The following TTC27 variants were observed in gnomAD, a reference collection of about 807,000 sequenced individuals.
TTC27 encodes the protein tetratricopeptide repeat domain 27, also known as tetratricopeptide repeat protein 27.
In TTC27, 79 loss-of-function variants were observed where a neutral mutation model predicts 115.9. The ratio of observed to expected loss-of-function variants is 0.68; its 90% CI spans 0.57 to 0.82. The LOEUF (loss-of-function observed/expected upper bound fraction) is 0.82. Ranked by LOEUF, TTC27 falls within the 40% of genes least tolerant of loss-of-function variation. The pLI is 0.00. For missense variants in TTC27, 1,054 were observed against 993.1 expected (o/e 1.06, Z -0.82); for synonymous variants, 401 against 356.0 (o/e 1.13, Z -1.42).
intron 18 of TTC27, 52 bp downstream of exon 18, chr2:32,812,667 T>C: frequency 7.3e-7 from 1 of 1,368,284 alleles, no homozygotes; most frequent in Non-Finnish European, 1.0e-6. Context: ...TATTTTCTAC[T>C]GACAGAAAAG....
chr2:32,697,212 A>C (rs1467387754), intron 9 of TTC27, among the ~76,000 whole-genome samples: 4 of 151,908 alleles, frequency 2.6e-5, no homozygotes, highest in Non-Finnish European at 5.9e-5. Context: ...AACAAACAAA[A>C]AGAAATAGTG....
At chr2:32,740,129 T>C (rs975400655) in intron 12 of TTC27, among the ~76,000 whole-genome samples, 2 of 152,212 alleles carry the variant, frequency 1.3e-5, no homozygotes, top group African/African-American at 4.8e-5. Flanking sequence ...TATTTAAAGG[T>C]TATCCGACCC....
intron 9 of TTC27, among the ~76,000 whole-genome samples, chr2:32,690,375 T>C (rs1666769936): frequency 6.6e-6 from 1 of 152,180 alleles, no homozygotes; most frequent in Non-Finnish European, 1.5e-5. Context: ...AGCATGGGAC[T>C]TGCCTTCATG....
At chr2:32,664,546 G>T in intron 6 of TTC27, 79 bp downstream of exon 6, 3 of 1,265,404 alleles carry the variant, frequency 2.4e-6, no homozygotes, top group Admixed American at 2.7e-5. Context: ...ATTGTATGTT[G>T]GTATTAGATT....
Position 32,696,125 on chromosome 2 carries a change from A to G in TTC27, c.1120-6682A>G, listed in dbSNP as rs1345289957. Among the ~76,000 whole-genome samples the G allele has an allele frequency of 9.0e-5, 13 of 144,466 alleles. No individual in the cohort carries two copies. In the East Asian group the frequency reaches 2.6e-3, roughly 29 times the overall value. 94.8% of individuals were successfully genotyped at this position (144,466 alleles called of 152,430 possible). A position where few individuals can be genotyped will look rare whatever the true frequency, so the allele number is the denominator to read the frequency against. On this transcript the variant is annotated intron_variant, in intron 9 of 19. Transcript: ENST00000317907. The stretch of plus-strand genomic sequence containing the variant: ...GGTGACAGAGCGAGACTCTACCTCA[A>G]AAAAAAAAAAAAAATAATTGTTCTT...
chr2:32,755,551 T>C (rs1251119009), intron 12 of TTC27, among the ~76,000 whole-genome samples: 1 of 151,568 alleles, frequency 6.6e-6, no homozygotes, highest in Non-Finnish European at 1.5e-5. Flanking sequence ...CAGCTTCGGC[T>C]CGGCATCAGA....
intron 16 of TTC27, among the ~76,000 whole-genome samples, chr2:32,796,518 G>C (rs1321609824): frequency 6.6e-6 from 1 of 152,130 alleles, no homozygotes; most frequent in Non-Finnish European, 1.5e-5. Flanking sequence ...TTGTGAACAA[G>C]TGTATGCCAA....
chr2:32,713,307 A>T (rs986379379), intron 10 of TTC27, among the ~76,000 whole-genome samples: 4 of 152,212 alleles, frequency 2.6e-5, no homozygotes, highest in Non-Finnish European at 4.4e-5. Flanking sequence ...CATATATTCA[A>T]AGGGACCACC....
intron 12 of TTC27, among the ~76,000 whole-genome samples, chr2:32,752,299 G>A (rs1314485110): frequency 6.6e-6 from 1 of 152,186 alleles, no homozygotes; most frequent in Non-Finnish European, 1.5e-5. Context: ...CATAGTTAGG[G>A]GTAGATGAGC....
intron 10 of TTC27, among the ~76,000 whole-genome samples, chr2:32,724,669 C>G (rs1172327776): frequency 6.6e-6 from 1 of 152,148 alleles, no homozygotes; most frequent in Non-Finnish European, 1.5e-5. Flanking sequence ...GAAACTTTTT[C>G]CCATGGAACA....
At chr2:32,809,889 C>T (rs1317451935) in intron 16 of TTC27, among the ~76,000 whole-genome samples, 1 of 152,060 alleles carries the variant, frequency 6.6e-6, no homozygotes, top group Non-Finnish European at 1.5e-5. Context: ...GAGGCCAAGG[C>T]GGGTGGGTCA....
chr2:32,640,284 T>A lies in TTC27; in HGVS notation c.411T>A (p.Asp137Glu), dbSNP rs1664590076. The A allele has an allele frequency of 1.9e-6, 3 of 1,613,860 alleles. No individual in the cohort carries two copies. In the Middle Eastern group the frequency reaches 4.9e-4, roughly 266 times the overall value. The part of the protein sequence containing the change: ...FQQFSEVKGL[D>E]AFVLSLLTLD... ...CCTTTTTTCAGGTTAAAGGACTGGA[T>A]GCATTTGTTCTGAGCCTGCTCACTC... is the stretch of plus-strand genomic sequence containing the variant. The change falls in exon 4 of 20, where the codon GAT becomes GAA. Residue 137 changes from aspartate (D) to glutamate (E), a missense_variant. Transcript: ENST00000317907.
chr2:32,793,667 T>C (rs143881505), intron 16 of TTC27, among the ~76,000 whole-genome samples: 1,776 of 152,030 alleles, frequency 0.012, 41 homozygotes, highest in African/African-American at 0.041. Flanking sequence ...GGATTATAGG[T>C]GCCTGCCACC....
intron 11 of TTC27, among the ~76,000 whole-genome samples, chr2:32,735,112 T>G (rs1255598477): frequency 6.6e-6 from 1 of 152,158 alleles, no homozygotes; most frequent in African/African-American, 2.4e-5. Context: ...TCGTTTAAAA[T>G]CCCCATTATA....
intron 5 of TTC27, 88 bp downstream of exon 5, chr2:32,650,321 C>T (rs553155583): frequency 6.5e-5 from 53 of 809,564 alleles, no homozygotes; most frequent in East Asian, 4.7e-4. Context: ...ATTTTTTGTC[C>T]GGTAGTAGTG....
At chr2:32,674,254 A>G (rs1666117517) in intron 8 of TTC27, among the ~76,000 whole-genome samples, 1 of 150,488 alleles carries the variant, frequency 6.6e-6, no homozygotes, top group Non-Finnish European at 1.5e-5. Flanking sequence ...AGGTTCAAGC[A>G]ATTCTCCTGC....
At chr2:32,647,855 A>AG (rs1241208542) in intron 4 of TTC27, among the ~76,000 whole-genome samples, 1 of 151,836 alleles carries the variant, frequency 6.6e-6, no homozygotes, top group African/African-American at 2.4e-5. Context: ...TCTCAAAAAA[A>AG]AGCTTTTTGG....
In TTC27 at chr2:32,699,238, C is replaced by T. The variant is rs1667101582; in HGVS notation, c.1120-3569C>T. On this transcript the variant is annotated intron_variant, in intron 9 of 19. Transcript: ENST00000317907. ...GAATCACTGGATAGAGATGGAGTCA[C>T]TTAGATGAGGTGGTTGAGAAGGCTC... Among the ~76,000 whole-genome samples, 4 of 152,208 alleles carry T rather than the reference C, an allele frequency of 2.6e-5. No individual in the cohort carries two copies. In the South Asian group the frequency reaches 8.3e-4, roughly 32 times the overall value.
chr2:32,665,760 G>A (rs1665750359), intron 6 of TTC27, among the ~76,000 whole-genome samples: 1 of 152,024 alleles, frequency 6.6e-6, no homozygotes. Flanking sequence ...GTGTGGTGGT[G>A]CATGCCTGTA....
Sources: allele counts gnomAD v4.1 joint callset (sites outside exome capture counted in the v4.1 genomes callset), GRCh38; gene constraint gnomAD v4.1.1; transcripts MANE v1.5; gene names NCBI Gene and HGNC (gene_info 2026-07-23, HGNC 2026-07-21).